The following SMYD3 variants were observed in gnomAD, a reference collection of about 807,000 sequenced individuals.
SMYD3 encodes the protein histone-lysine N-methyltransferase SMYD3.
SMYD3 carries 36 observed loss-of-function variants against 57.7 expected under a neutral mutation model. The observed-to-expected ratio is 0.62, with a 90% CI of 0.48 to 0.82. SMYD3 has a LOEUF of 0.82. Among genes scored for constraint, SMYD3 ranks in the 40% least tolerant of loss-of-function variants. The pLI is 0.00. For synonymous variants in SMYD3, 211 were observed against 195.0 expected, an observed-to-expected ratio of 1.08 and a Z score of -0.68; for missense variants, 515 against 538.8, an observed-to-expected ratio of 0.96 and a Z score of 0.44.
intron 5 of SMYD3, among the ~76,000 whole-genome samples, chr1:245,933,303 T>A (rs1206952122): frequency 6.6e-6 from 1 of 152,158 alleles, no homozygotes; most frequent in Non-Finnish European, 1.5e-5. Flanking sequence ...ACTACTTCAA[T>A]AAAAAATAAA....
At chr1:246,200,515 C>T (rs1388567862) in intron 5 of SMYD3, among the ~76,000 whole-genome samples, 2 of 148,966 alleles carry the variant, frequency 1.3e-5, no homozygotes, top group Admixed American at 6.7e-5. Flanking sequence ...ATAGTGTAGA[C>T]GCTGAGAAAG....
At chr1:246,078,448 T>A (rs1404465829) in intron 5 of SMYD3, among the ~76,000 whole-genome samples, 1 of 152,218 alleles carries the variant, frequency 6.6e-6, no homozygotes, top group Admixed American at 6.5e-5. Context: ...AAAGTAACTT[T>A]GAAATGACCG....
chr1:246,436,269 CA>C (rs1216821260), intron 1 of SMYD3, among the ~76,000 whole-genome samples: 1 of 148,090 alleles, frequency 6.8e-6, no homozygotes, highest in Non-Finnish European at 1.5e-5. Flanking sequence ...TGGACTTAAA[CA>C]AAAAAAGAAC....
intron 10 of SMYD3, 24 bp from the exon 11 acceptor site, chr1:245,764,173 A>T: frequency 2.0e-6 from 3 of 1,511,804 alleles, no homozygotes; most frequent in Non-Finnish European, 2.8e-6. Context: ...AACGGCAAAC[A>T]GTGTCAGCAG....
intron 3 of SMYD3, among the ~76,000 whole-genome samples, chr1:246,331,665 T>C (rs1207055504): frequency 6.6e-6 from 1 of 152,236 alleles, no homozygotes; most frequent in Non-Finnish European, 1.5e-5. Flanking sequence ...AACACAGGCA[T>C]ACCTCATTTT....
At chr1:246,406,852 AAAAC>A (rs765364207) in intron 1 of SMYD3, among the ~76,000 whole-genome samples, 2 of 152,200 alleles carry the variant, frequency 1.3e-5, no homozygotes, top group South Asian at 2.1e-4. Flanking sequence ...TCCTCCCTTC[AAAAC>A]AAACAAACAA....
chr1:246,029,489 G>A (rs1388673422), intron 5 of SMYD3, among the ~76,000 whole-genome samples: 1 of 151,686 alleles, frequency 6.6e-6, no homozygotes, highest in Non-Finnish European at 1.5e-5. Flanking sequence ...TGGCCAAAAT[G>A]GTGAAACCCC....
At chr1:246,078,924 C>G (rs1430203733) in intron 5 of SMYD3, among the ~76,000 whole-genome samples, 1 of 151,992 alleles carries the variant, frequency 6.6e-6, no homozygotes, top group Non-Finnish European at 1.5e-5. Flanking sequence ...CATCATCAGA[C>G]AGAAGAATGT....
At chr1:245,914,138 T>A (rs1933527) in intron 8 of SMYD3, among the ~76,000 whole-genome samples, 105,956 of 152,126 alleles carry the variant, frequency 0.7, 41,607 homozygotes, top group Non-Finnish European at 0.89. Flanking sequence ...GCCACTGCCA[T>A]TACTTTTAAT....
chr1:246,074,223 A>T (rs1277422092), intron 5 of SMYD3, among the ~76,000 whole-genome samples: 1 of 152,194 alleles, frequency 6.6e-6, no homozygotes, highest in African/African-American at 2.4e-5. Flanking sequence ...ATAAGATCAA[A>T]CTAAATTAAT....
At chr1:246,351,520 T>C (rs1474198323) in intron 2 of SMYD3, among the ~76,000 whole-genome samples, 2 of 152,168 alleles carry the variant, frequency 1.3e-5, no homozygotes, top group African/African-American at 2.4e-5. Flanking sequence ...CCTCCTTCTA[T>C]GAAATTATAT....
At chr1:246,397,790 C>T (rs906218661) in intron 1 of SMYD3, among the ~76,000 whole-genome samples, 33 of 152,042 alleles carry the variant, frequency 2.2e-4, no homozygotes, top group African/African-American at 7.5e-4. Context: ...GATAATTCAG[C>T]AGGCAGGGGG....
chr1:246,175,991 C>A (rs759931295), intron 5 of SMYD3, among the ~76,000 whole-genome samples: 2 of 152,152 alleles, frequency 1.3e-5, no homozygotes, highest in Non-Finnish European at 2.9e-5. Flanking sequence ...GTTACCACAT[C>A]TTCCATGGTC....
At chr1:245,947,532 TGC>T in intron 5 of SMYD3, 2 of 406,072 alleles carry the variant, frequency 4.9e-6, no homozygotes, top group Non-Finnish European at 1.0e-5. Flanking sequence ...TAAATGTGCC[TGC>T]ATTTCTAAAC....
chr1:246,188,207 C>G (rs2062675002), intron 5 of SMYD3, among the ~76,000 whole-genome samples: 1 of 152,052 alleles, frequency 6.6e-6, no homozygotes, highest in Non-Finnish European at 1.5e-5. Flanking sequence ...TTGCACAAAC[C>G]ATGAAGCAAA....
At chr1:246,435,753 T>C (rs914732622) in intron 1 of SMYD3, among the ~76,000 whole-genome samples, 1 of 151,964 alleles carries the variant, frequency 6.6e-6, no homozygotes, top group Non-Finnish European at 1.5e-5. Flanking sequence ...AAGGAGAAGA[T>C]ACAAGAATTC....
chr1:245,921,549 G>GTATATATATATATA (rs143521072), intron 7 of SMYD3, among the ~76,000 whole-genome samples: 27 of 141,388 alleles, frequency 1.9e-4, no homozygotes, highest in East Asian at 8.4e-4. Flanking sequence ...AAAATGTGGT[G>GTATATATATATATA]TATATATATA....
chr1:246,258,800 C>A (rs2063944518), intron 5 of SMYD3, among the ~76,000 whole-genome samples: 1 of 149,648 alleles, frequency 6.7e-6, no homozygotes, highest in South Asian at 2.2e-4. Context: ...TTTAATTCCT[C>A]AAATTTGTTT....
At chr1:246,497,910 CA>C (rs1256291123) in intron 1 of SMYD3, among the ~76,000 whole-genome samples, 3 of 151,522 alleles carry the variant, frequency 2.0e-5, no homozygotes, top group Non-Finnish European at 4.4e-5. Flanking sequence ...GAAAAATGAG[CA>C]AAAGATAAAT....
Sources: gnomAD v4.1 joint callset for allele counts (sites outside exome capture counted in the v4.1 genomes callset) on GRCh38, gnomAD v4.1.1 for gene constraint, MANE v1.5 for transcripts, NCBI Gene and HGNC (gene_info 2026-07-23, HGNC 2026-07-21) for gene names.